PRRC2B: variants seen among roughly 807,000 people sequenced by gnomAD.
PRRC2B encodes the protein proline rich coiled-coil 2B.
A neutral mutation model predicts 242.3 loss-of-function variants in PRRC2B; 68 were observed. The observed-to-expected ratio is 0.28, with a 90% CI of 0.23 to 0.34. The LOEUF is 0.34. Among genes scored for constraint, PRRC2B ranks in the 10% least tolerant of loss-of-function variants. The pLI, the probability that PRRC2B is intolerant of heterozygous loss-of-function variation, is 1.00. For missense variants in PRRC2B, 2,835 were observed against 2,954.8 expected (o/e 0.96, Z 0.94); for synonymous variants, 1,228 against 1,173.6 (o/e 1.05, Z -0.95).
chr9:131,476,787 A>G (rs1310155304), intron 16 of PRRC2B, among the ~76,000 whole-genome samples: 2 of 139,934 alleles, frequency 1.4e-5, no homozygotes, highest in East Asian at 5.0e-4. Flanking sequence ...ACCTGACCTG[A>G]GAGTCCAGTC....
chr9:131,429,858 G>C (rs1164009803), intron 1 of PRRC2B, among the ~76,000 whole-genome samples: 1 of 152,038 alleles, frequency 6.6e-6, no homozygotes, highest in Non-Finnish European at 1.5e-5. Flanking sequence ...GGGGGTTGGG[G>C]GGGTACTCCA....
intron 1 of PRRC2B, among the ~76,000 whole-genome samples, chr9:131,381,327 CTCTTT>C (rs574001361): frequency 2.0e-5 from 3 of 151,992 alleles, no homozygotes; most frequent in African/African-American, 7.3e-5. Context: ...TGAGAGCTGC[CTCTTT>C]TCTTTTCATT....
Position 131,474,812 on chromosome 9 carries a change from A to G in PRRC2B, c.2683A>G (p.Thr895Ala), listed in dbSNP as rs949025248. ...TGAGCGGGAGACACCCCGGGAGGGGACGGCCTTTAACATCTCCTCCTGGGA... is the reference window on the plus strand; with the variant it reads ...TGAGCGGGAGACACCCCGGGAGGGGGCGGCCTTTAACATCTCCTCCTGGGA... ...GVERETPREG[T>A]AFNISSWDKN... The change falls in exon 16 of 32, where the codon ACG (threonine) becomes GCG (alanine). Residue 895 changes from threonine to alanine, a missense_variant. By Grantham distance (58) the Thr-to-Ala change is moderately conservative (BLOSUM62 0). Coordinates refer to ENST00000683519, the MANE Select transcript of PRRC2B (RefSeq NM_013318.4). 3.1e-6 allele frequency: 5 copies of G among 1,612,028 alleles called. No individual in the cohort carries two copies. The Admixed American group carries it at 5.0e-5, about 16-fold the overall frequency.
At chr9:131,444,383 A>C in intron 6 of PRRC2B, 55 bp downstream of exon 6, 82 of 1,569,372 alleles carry the variant, frequency 5.2e-5, no homozygotes, top group Non-Finnish European at 6.5e-5. Context: ...TCCTCCTCTC[A>C]TCTCTCTGCA....
chr9:131,444,874 G>A (rs1386204880), intron 6 of PRRC2B, among the ~76,000 whole-genome samples: 1 of 152,200 alleles, frequency 6.6e-6, no homozygotes, highest in African/African-American at 2.4e-5. Context: ...GCACTGGCTG[G>A]AAATTTCTCC....
chr9:131,474,099 C>A (rs1943618979), intron 15 of PRRC2B, among the ~76,000 whole-genome samples: 1 of 152,128 alleles, frequency 6.6e-6, no homozygotes, highest in African/African-American at 2.4e-5. Flanking sequence ...TCACGGCCTC[C>A]CAGGCTCCAG....
intron 1 of PRRC2B, among the ~76,000 whole-genome samples, chr9:131,397,961 A>G (rs1837114881): frequency 6.6e-6 from 1 of 152,212 alleles, no homozygotes; most frequent in African/African-American, 2.4e-5. Flanking sequence ...TTTTCAGATC[A>G]TAACTTGATC....
intron 1 of PRRC2B, among the ~76,000 whole-genome samples, chr9:131,419,044 T>TGA: frequency 6.6e-6 from 1 of 152,358 alleles, no homozygotes; most frequent in South Asian, 2.1e-4. Flanking sequence ...AAGCGTATAT[T>TGA]TCTTTTGTTA....
intron 9 of PRRC2B, 23 bp from the exon 10 acceptor site, chr9:131,455,053 C>T (rs1187518530): frequency 1.9e-6 from 3 of 1,585,896 alleles, no homozygotes; most frequent in Admixed American, 3.4e-5. Flanking sequence ...TCTCATTCTT[C>T]CTGGGCCCTC....
At chr9:131,414,659 C>T (rs1256933377) in intron 1 of PRRC2B, among the ~76,000 whole-genome samples, 1 of 151,260 alleles carries the variant, frequency 6.6e-6, no homozygotes, top group Non-Finnish European at 1.5e-5. Flanking sequence ...CAACCTCTAC[C>T]TCCCGGGTTC....
At chr9:131,376,410 C>T (rs2131260937) in intron 1 of PRRC2B, among the ~76,000 whole-genome samples, 1 of 151,252 alleles carries the variant, frequency 6.6e-6, no homozygotes, top group Non-Finnish European at 1.5e-5. Flanking sequence ...TAGCATGGTG[C>T]CAGACATGTA....
At chr9:131,417,387 T>G (rs1837687789) in intron 1 of PRRC2B, among the ~76,000 whole-genome samples, 1 of 152,094 alleles carries the variant, frequency 6.6e-6, no homozygotes, top group Non-Finnish European at 1.5e-5. Context: ...TTGTTTAATG[T>G]ATCCAGTGGG....
At chr9:131,385,110 C>T (rs963763243) in intron 1 of PRRC2B, among the ~76,000 whole-genome samples, 4 of 151,232 alleles carry the variant, frequency 2.6e-5, no homozygotes, top group African/African-American at 9.7e-5. Context: ...TGGGTTCAAG[C>T]GATTCTCCTG....
rs1387614516 is a variant in PRRC2B, at chr9:131,498,836, A to G, written c.*2962A>G. ...GCTCAGCCACCAGTGGCCTTGCGGT[A>G]TTGTCCACCATCCACTAGAGTGGGA... On this transcript the variant is annotated 3_prime_UTR_variant, in exon 32 of 32. Coordinates refer to ENST00000683519, the MANE Select transcript of PRRC2B (RefSeq NM_013318.4). The G allele has an allele frequency of 2.0e-5, 3 of 152,090 alleles. No homozygotes were observed. The highest frequency in any genetic ancestry group is 4.4e-5 in the Non-Finnish European group (3 of 68,018). 9.4% of individuals were successfully genotyped at this position (152,090 alleles called of 1,614,324 possible). A position where few individuals can be genotyped will look rare whatever the true frequency, so the allele number is the denominator to read the frequency against.
intron 1 of PRRC2B, among the ~76,000 whole-genome samples, chr9:131,385,193 C>T (rs970673896): frequency 4.1e-5 from 6 of 144,802 alleles, no homozygotes; most frequent in African/African-American, 1.5e-4. Flanking sequence ...TAAAAGAAAA[C>T]AGCCGGGCAC....
intron 1 of PRRC2B, among the ~76,000 whole-genome samples, chr9:131,405,326 C>T (rs1315231050): frequency 6.6e-6 from 1 of 152,196 alleles, no homozygotes; most frequent in Non-Finnish European, 1.5e-5. Context: ...AATGATTGTC[C>T]TTGCTGCCTG....
At chr9:131,401,095 T>G (rs563413319) in intron 1 of PRRC2B, among the ~76,000 whole-genome samples, 2 of 151,764 alleles carry the variant, frequency 1.3e-5, no homozygotes, top group South Asian at 2.1e-4. Flanking sequence ...CTGTGATTTC[T>G]TCGGAGCCCC....
At chr9:131,375,142 C>A (rs1057023453) in intron 1 of PRRC2B, among the ~76,000 whole-genome samples, 1 of 152,164 alleles carries the variant, frequency 6.6e-6, no homozygotes, top group Non-Finnish European at 1.5e-5. Flanking sequence ...GTGGCTCACG[C>A]CTGTAATCCC....
At chr9:131,427,456 G>A (rs529453840) in intron 1 of PRRC2B, among the ~76,000 whole-genome samples, 1 of 151,944 alleles carries the variant, frequency 6.6e-6, no homozygotes, top group East Asian at 1.9e-4. Context: ...TCAGCCTCAC[G>A]AGTAGCTGGG....
Sources: allele counts gnomAD v4.1 joint callset (sites outside exome capture counted in the v4.1 genomes callset), GRCh38; gene constraint gnomAD v4.1.1; transcripts MANE v1.5; gene names NCBI Gene and HGNC (gene_info 2026-07-23, HGNC 2026-07-21).